Variants in CDH4 observed in about 807,000 individuals in gnomAD.
The protein encoded by CDH4 is cadherin-4.
A neutral mutation model predicts 86.0 loss-of-function variants in CDH4; 33 were observed. That is an observed-to-expected ratio of 0.38 (90% CI 0.29 to 0.51). CDH4 has a LOEUF of 0.51. Among genes scored for constraint, CDH4 ranks in the 20% least tolerant of loss-of-function variants. The probability of loss-of-function intolerance (pLI) is 0.86; values close to 1 mark genes in which losing one functional copy is unlikely to be tolerated. For missense variants in CDH4, 1,114 were observed against 1,307.4 expected, an observed-to-expected ratio of 0.85 and a Z score of 2.28; for synonymous variants, 555 against 549.4, an observed-to-expected ratio of 1.01 and a Z score of -0.14.
intron 4 of CDH4, among the ~76,000 whole-genome samples, chr20:61,801,130 G>C (rs1026305355): frequency 2.0e-5 from 3 of 152,152 alleles, no homozygotes; most frequent in African/African-American, 7.2e-5. Flanking sequence ...CACAGCACCG[G>C]GGCTCCTGCC....
intron 2 of CDH4, among the ~76,000 whole-genome samples, chr20:61,334,432 T>C (rs2084605743): frequency 6.6e-6 from 1 of 152,170 alleles, no homozygotes; most frequent in African/African-American, 2.4e-5. Flanking sequence ...TTGGGGCTGC[T>C]ATAACAAACC....
At chr20:61,677,467 T>C (rs566820568) in intron 2 of CDH4, among the ~76,000 whole-genome samples, 1 of 152,342 alleles carries the variant, frequency 6.6e-6, no homozygotes, top group South Asian at 2.1e-4. Context: ...GTGTTATAGT[T>C]GGTGTCAATG....
At chr20:61,309,351 T>G (rs1235137348) in intron 2 of CDH4, among the ~76,000 whole-genome samples, 1 of 87,142 alleles carries the variant, frequency 1.1e-5, no homozygotes, top group Non-Finnish European at 2.7e-5. Context: ...TTCAGCTGTC[T>G]TCCTCGAGTT....
At chr20:61,343,323 A>T (rs1277770641) in intron 2 of CDH4, among the ~76,000 whole-genome samples, 3 of 152,264 alleles carry the variant, frequency 2.0e-5, no homozygotes, top group Non-Finnish European at 4.4e-5. Flanking sequence ...TCAGGTTAGC[A>T]GTCCTTGCCA....
At chr20:61,409,174 T>G (rs1600950298) in intron 2 of CDH4, among the ~76,000 whole-genome samples, 1 of 151,998 alleles carries the variant, frequency 6.6e-6, no homozygotes, top group African/African-American at 2.4e-5. Flanking sequence ...CTCGGCAGAG[T>G]GGCTGGGCGC....
chr20:61,466,906 G>A (rs1371797111), intron 2 of CDH4, among the ~76,000 whole-genome samples: 1 of 150,446 alleles, frequency 6.6e-6, no homozygotes, highest in Non-Finnish European at 1.5e-5. Flanking sequence ...CTGAGGGCGG[G>A]GGTGGGGGCA....
intron 2 of CDH4, among the ~76,000 whole-genome samples, chr20:61,539,187 T>C (rs2086020739): frequency 6.6e-6 from 1 of 152,192 alleles, no homozygotes; most frequent in Non-Finnish European, 1.5e-5. Flanking sequence ...CAGCTGCCTC[T>C]GGCCTCCTGT....
At chr20:61,373,348 C>T (rs2084850566) in intron 2 of CDH4, among the ~76,000 whole-genome samples, 1 of 152,238 alleles carries the variant, frequency 6.6e-6, no homozygotes, top group Admixed American at 6.5e-5. Context: ...AGCAGGAGGG[C>T]TTGCACCCGT....
chr20:61,316,526 T>C (rs1204444361), intron 2 of CDH4, among the ~76,000 whole-genome samples: 3 of 152,226 alleles, frequency 2.0e-5, no homozygotes, highest in Non-Finnish European at 4.4e-5. Flanking sequence ...TTTCTGTCTC[T>C]CTCCCTTCCC....
At chr20:61,869,026 A>G (rs959020949) in intron 6 of CDH4, among the ~76,000 whole-genome samples, 1 of 152,246 alleles carries the variant, frequency 6.6e-6, no homozygotes, top group African/African-American at 2.4e-5. Flanking sequence ...AAACGTGGCA[A>G]GTGCCTTCAA....
intron 2 of CDH4, among the ~76,000 whole-genome samples, chr20:61,733,178 G>A (rs918877920): frequency 2.6e-5 from 4 of 152,110 alleles, no homozygotes; most frequent in Non-Finnish European, 2.9e-5. Flanking sequence ...AGTTGCTACC[G>A]CTGCTGATGT....
intron 2 of CDH4, among the ~76,000 whole-genome samples, chr20:61,564,024 C>T (rs1223338374): frequency 4.6e-5 from 7 of 152,162 alleles, no homozygotes; most frequent in Non-Finnish European, 8.8e-5. Context: ...CTCTGTCCGT[C>T]CCTCAATGCA....
At chr20:61,640,288 G>A (rs540982369) in intron 2 of CDH4, among the ~76,000 whole-genome samples, 102 of 152,370 alleles carry the variant, frequency 6.7e-4, no homozygotes, top group Non-Finnish European at 8.7e-4. Context: ...GCAACGTCAC[G>A]TGCCTCGGCG....
intron 7 of CDH4, among the ~76,000 whole-genome samples, chr20:61,891,446 C>G (rs942283386): frequency 6.6e-6 from 1 of 152,202 alleles, no homozygotes; most frequent in Non-Finnish European, 1.5e-5. Flanking sequence ...CCCGGCCCTG[C>G]AGGAGCTCTG....
rs2085838060 is a variant in CDH4 at position 61,518,182 on chromosome 20, G to A, written c.170-225381G>A. On this transcript the variant is annotated intron_variant, in intron 2 of 15. Transcript: ENST00000614565. This position sits in a 1 kb window ranked among gnomAD's most constrained non-coding sequence, Gnocchi z 6.3. ...GGGACACTAGGTGGGTGTTTATTCTGCCATCATCCCTTTATCGAACACCAC... is the reference window on the plus strand; with the variant it reads ...GGGACACTAGGTGGGTGTTTATTCTACCATCATCCCTTTATCGAACACCAC... Among the ~76,000 whole-genome samples, 1 of 152,138 alleles carries A rather than the reference G, an allele frequency of 6.6e-6. No individual in the cohort carries two copies. The highest frequency in any genetic ancestry group is 1.5e-5 in the Non-Finnish European group (1 of 68,014).
At chr20:61,895,557 G>A (rs905253302) in intron 8 of CDH4, among the ~76,000 whole-genome samples, 56 of 152,282 alleles carry the variant, frequency 3.7e-4, no homozygotes, top group Non-Finnish European at 7.5e-4. Flanking sequence ...TGTGAGCCCC[G>A]AGCCCCTAGT....
At chr20:61,456,286 G>A (rs938686269) in intron 2 of CDH4, among the ~76,000 whole-genome samples, 2 of 152,214 alleles carry the variant, frequency 1.3e-5, no homozygotes, top group African/African-American at 4.8e-5. Flanking sequence ...AGAATGTGTT[G>A]GCAACATGGC....
At chr20:61,840,678 T>C (rs73917537) in intron 4 of CDH4, among the ~76,000 whole-genome samples, 6,264 of 152,344 alleles carry the variant, frequency 0.041, 218 homozygotes, top group East Asian at 0.13. Context: ...TCACGGCCCA[T>C]CGTGGGCTTC....
intron 2 of CDH4, among the ~76,000 whole-genome samples, chr20:61,732,745 C>T (rs1345151746): frequency 6.6e-6 from 1 of 152,232 alleles, no homozygotes; most frequent in African/African-American, 2.4e-5. Flanking sequence ...CGCTCGTCCC[C>T]CACGCCTGTG....
Sources: gnomAD v4.1 joint callset for allele counts (sites outside exome capture counted in the v4.1 genomes callset) on GRCh38, gnomAD v4.1.1 for gene constraint, Gnocchi (gnomAD v3.1) non-coding constraint, MANE v1.5 for transcripts, NCBI Gene and HGNC (gene_info 2026-07-23, HGNC 2026-07-21) for gene names.